Variants in RBFOX1 observed in about 807,000 individuals in gnomAD.
RBFOX1 encodes RNA binding protein fox-1 homolog 1.
RBFOX1 carries 8 observed loss-of-function variants against 57.7 expected under a neutral mutation model. The observed-to-expected ratio is 0.14, with a 90% CI of 0.08 to 0.25. The LOEUF is 0.25. Among genes scored for constraint, RBFOX1 ranks in the 10% least tolerant of loss-of-function variants. The probability of loss-of-function intolerance (pLI) is 1.00; values close to 1 mark genes in which losing one functional copy is unlikely to be tolerated. For missense variants in RBFOX1, 611 were observed against 548.5 expected, an observed-to-expected ratio of 1.11 and a Z score of -1.14; for synonymous variants, 326 against 222.4, an observed-to-expected ratio of 1.47 and a Z score of -4.15.
intron 1 of RBFOX1, among the ~76,000 whole-genome samples, chr16:5,320,256 GTA>G (rs2151246669): frequency 6.6e-6 from 1 of 152,312 alleles, no homozygotes; most frequent in Non-Finnish European, 1.5e-5. Flanking sequence ...TGCTTGAACT[GTA>G]TCTTGAAGGA....
intron 3 of RBFOX1, among the ~76,000 whole-genome samples, chr16:5,729,775 G>A (rs1263986610): frequency 6.6e-6 from 1 of 152,134 alleles, no homozygotes; most frequent in Non-Finnish European, 1.5e-5. Context: ...ACTCTAGCTG[G>A]TTTCTCCAAG....
chr16:6,990,069 T>C lies in RBFOX1; in HGVS notation c.-15-61988T>C, dbSNP rs574101379. On this transcript the variant is annotated intron_variant, in intron 3 of 15. Transcript: ENST00000550418. The stretch of plus-strand genomic sequence containing the variant: ...GATTTAGCTCCCCTGTACTAGAATA[T>C]ACTCTTCAAGAGGTCAGATACTGCT... Among the ~76,000 whole-genome samples, 6 of 152,294 alleles carry C rather than the reference T, an allele frequency of 3.9e-5. No homozygotes were observed. The East Asian group carries it at 7.7e-4, about 20-fold the overall frequency.
intron 5 of RBFOX1, among the ~76,000 whole-genome samples, chr16:7,578,157 T>C (rs142421089): frequency 6.6e-6 from 1 of 152,222 alleles, no homozygotes; most frequent in African/African-American, 2.4e-5. Context: ...TTCGTCACTT[T>C]CCATTTATTG....
At chr16:6,038,962 T>A (rs2095405745) in intron 1 of RBFOX1, 1 of 143,128 alleles carries the variant, frequency 7.0e-6, no homozygotes. Context: ...CACTGACATA[T>A]TACATACCAG....
intron 3 of RBFOX1, among the ~76,000 whole-genome samples, chr16:6,690,813 C>T (rs1308656904): frequency 6.6e-6 from 1 of 150,460 alleles, no homozygotes; most frequent in Non-Finnish European, 1.5e-5. Context: ...GTAGTGTCCC[C>T]AGGCCATCAT....
rs372179658 is a variant in RBFOX1, at chr16:6,143,543, C to T, written c.-127+123551C>T. ...TCCCTTTGCTATTGAGAAGTGGCCTCTTTATTTATAGCTAAAGGACACTTA... is the reference window on the plus strand; with the variant it reads ...TCCCTTTGCTATTGAGAAGTGGCCTTTTTATTTATAGCTAAAGGACACTTA... On this transcript the variant is annotated intron_variant, in intron 1 of 15. Coordinates refer to ENST00000550418, the MANE Select transcript of RBFOX1 (RefSeq NM_018723.4). 1.6e-4 allele frequency among the ~76,000 whole-genome samples: 25 copies of T among 152,264 alleles called. 1 individual carries two copies. The South Asian group carries it at 5.2e-3, about 32-fold the overall frequency.
chr16:5,675,234 G>A (rs1050506641), intron 3 of RBFOX1, among the ~76,000 whole-genome samples: 24 of 151,140 alleles, frequency 1.6e-4, no homozygotes, highest in African/African-American at 5.2e-4. Flanking sequence ...ACACACACAC[G>A]CACACCCACC....
intron 3 of RBFOX1, among the ~76,000 whole-genome samples, chr16:5,795,612 C>T (rs2054851489): frequency 6.6e-6 from 1 of 152,124 alleles, no homozygotes; most frequent in African/African-American, 2.4e-5. Flanking sequence ...ATGTTGTTTC[C>T]TTGACCTGGA....
intron 2 of RBFOX1, among the ~76,000 whole-genome samples, chr16:5,500,074 C>T (rs962658438): frequency 6.6e-6 from 1 of 151,784 alleles, no homozygotes; most frequent in Non-Finnish European, 1.5e-5. Context: ...AATCATCAGC[C>T]TGCCTTCCTG....
intron 3 of RBFOX1, among the ~76,000 whole-genome samples, chr16:6,975,137 G>C (rs1197171295): frequency 6.6e-6 from 1 of 152,162 alleles, no homozygotes; most frequent in African/African-American, 2.4e-5. Flanking sequence ...GTTTCACTCT[G>C]TGCAGATCCT....
At chr16:6,416,002 A>G (rs555199033) in intron 2 of RBFOX1, among the ~76,000 whole-genome samples, 2 of 152,188 alleles carry the variant, frequency 1.3e-5, no homozygotes, top group Admixed American at 1.3e-4. Context: ...CAGCGTTGTC[A>G]TCCTAAACTG....
chr16:6,964,158 C>G (rs897247581), intron 3 of RBFOX1, among the ~76,000 whole-genome samples: 10 of 152,140 alleles, frequency 6.6e-5, no homozygotes, highest in African/African-American at 2.4e-4. Context: ...GGTGAGATTA[C>G]AGGCATGTGC....
At chr16:6,089,291 C>T (rs1010197063) in intron 1 of RBFOX1, among the ~76,000 whole-genome samples, 4 of 151,964 alleles carry the variant, frequency 2.6e-5, no homozygotes, top group African/African-American at 9.7e-5. Context: ...CTGAGTCTTA[C>T]ACAATGAATG....
At chr16:7,072,665 T>G (rs2057562869) in intron 4 of RBFOX1, among the ~76,000 whole-genome samples, 1 of 152,216 alleles carries the variant, frequency 6.6e-6, no homozygotes, top group South Asian at 2.1e-4. Flanking sequence ...GATCTTCTGT[T>G]TTTTGCCATG....
At chr16:5,814,216 T>C (rs182722156) in intron 3 of RBFOX1, among the ~76,000 whole-genome samples, 2 of 152,282 alleles carry the variant, frequency 1.3e-5, no homozygotes, top group East Asian at 3.9e-4. Context: ...TGCCCTCCTT[T>C]CCCAGCCTTA....
chr16:6,464,170 G>T (rs769198958), intron 2 of RBFOX1, among the ~76,000 whole-genome samples: 1 of 152,062 alleles, frequency 6.6e-6, no homozygotes, highest in Non-Finnish European at 1.5e-5. Flanking sequence ...AACAAATTAA[G>T]ATAACAATGA....
chr16:6,253,035 C>T (rs2097632620), intron 1 of RBFOX1, among the ~76,000 whole-genome samples: 2 of 152,130 alleles, frequency 1.3e-5, no homozygotes, highest in Non-Finnish European at 2.9e-5. Context: ...GATAAGGGTG[C>T]TGAATCTCTG....
At chr16:6,638,770 T>G (rs1323139060) in intron 2 of RBFOX1, among the ~76,000 whole-genome samples, 1 of 152,210 alleles carries the variant, frequency 6.6e-6, no homozygotes, top group Non-Finnish European at 1.5e-5. Context: ...TGTAACTCCA[T>G]GCTGGTTTGG....
At chr16:7,708,527 G>T (rs2083244688) in intron 14 of RBFOX1, among the ~76,000 whole-genome samples, 1 of 152,134 alleles carries the variant, frequency 6.6e-6, no homozygotes, top group Non-Finnish European at 1.5e-5. Flanking sequence ...GGGTCCCACA[G>T]ACCCTTTAAG....
Sources: gnomAD v4.1 joint callset for allele counts (sites outside exome capture counted in the v4.1 genomes callset) on GRCh38, gnomAD v4.1.1 for gene constraint, MANE v1.5 for transcripts, NCBI Gene and HGNC (gene_info 2026-07-23, HGNC 2026-07-21) for gene names.